Variants in COG5 observed in about 807,000 individuals in gnomAD.
COG5 encodes the protein component of oligomeric golgi complex 5, also known as conserved oligomeric Golgi complex subunit 5.
A neutral mutation model predicts 110.4 loss-of-function variants in COG5; 86 were observed. That is an observed-to-expected ratio of 0.78 (90% CI 0.65 to 0.93). The LOEUF is 0.93. COG5 is among the 40% of genes least tolerant of loss of function. The pLI is 0.00. For synonymous variants in COG5, 360 were observed against 334.6 expected (o/e 1.08, Z -0.83); for missense variants, 1,077 against 987.0 (o/e 1.09, Z -1.22).
At chr7:107,548,355 T>G in intron 3 of COG5, 23 bp from the exon 4 acceptor site, 1 of 1,611,352 alleles carries the variant, frequency 6.2e-7, no homozygotes, top group African/African-American at 1.3e-5. Context: ...AAGTTTACAT[T>G]GGCTTTACAA....
intron 3 of COG5, among the ~76,000 whole-genome samples, chr7:107,550,058 C>A (rs146144471): frequency 6.6e-6 from 1 of 152,080 alleles, no homozygotes; most frequent in African/African-American, 2.4e-5. Context: ...ATACCCAAGA[C>A]AGTTTATGCC....
chr7:107,378,523 T>C (rs1814825036), intron 7 of COG5, among the ~76,000 whole-genome samples: 1 of 151,776 alleles, frequency 6.6e-6, no homozygotes, highest in Non-Finnish European at 1.5e-5. Flanking sequence ...CTAAGAACCT[T>C]GAAAAAAGGT....
At chr7:107,384,961 G>A (rs1360306737) in intron 7 of COG5, among the ~76,000 whole-genome samples, 1 of 152,188 alleles carries the variant, frequency 6.6e-6, no homozygotes, top group African/African-American at 2.4e-5. Flanking sequence ...ATAGTGAGTT[G>A]AACAATGTCC....
intron 10 of COG5, among the ~76,000 whole-genome samples, chr7:107,326,754 G>T (rs1357818442): frequency 6.6e-6 from 1 of 152,092 alleles, no homozygotes; most frequent in East Asian, 1.9e-4. Context: ...AATCTCAATG[G>T]CATTTTTGCA....
intron 11 of COG5, among the ~76,000 whole-genome samples, chr7:107,304,012 C>A (rs1274815850): frequency 1.3e-5 from 2 of 152,122 alleles, no homozygotes; most frequent in Non-Finnish European, 1.5e-5. Flanking sequence ...CATTAAACAA[C>A]CTAATTACTA....
chr7:107,363,511 G>A (rs1009057970), intron 8 of COG5, among the ~76,000 whole-genome samples: 7 of 151,964 alleles, frequency 4.6e-5, no homozygotes, highest in Non-Finnish European at 1.0e-4. Context: ...AAACTCAAAT[G>A]TTTAAAAAGG....
chr7:107,512,472 C>T (rs1339972224), intron 6 of COG5, among the ~76,000 whole-genome samples: 1 of 152,014 alleles, frequency 6.6e-6, no homozygotes, highest in East Asian at 1.9e-4. Context: ...CCATACTGCC[C>T]AAGGTAATTT....
At chr7:107,447,487 T>C (rs1795077075) in intron 6 of COG5, among the ~76,000 whole-genome samples, 1 of 152,202 alleles carries the variant, frequency 6.6e-6, no homozygotes, top group Admixed American at 6.5e-5. Context: ...CACACGATAA[T>C]ATACATACGA....
chr7:107,546,528 C>T (rs1802470793), intron 5 of COG5, among the ~76,000 whole-genome samples: 1 of 148,686 alleles, frequency 6.7e-6, no homozygotes, highest in Non-Finnish European at 1.5e-5. Flanking sequence ...TTCCACCTCC[C>T]AGGCTCAAGC....
At chr7:107,435,380 C>T (rs949974195) in intron 6 of COG5, among the ~76,000 whole-genome samples, 2 of 152,040 alleles carry the variant, frequency 1.3e-5, no homozygotes, top group African/African-American at 2.4e-5. Context: ...TGGCCAGGCG[C>T]GGTGGCTCAC....
At chr7:107,509,430 C>A (rs1317903226) in intron 6 of COG5, among the ~76,000 whole-genome samples, 1 of 152,132 alleles carries the variant, frequency 6.6e-6, no homozygotes. Flanking sequence ...GATTGGTGTA[C>A]CTGAAAGTGA....
At chr7:107,479,738 T>TA (rs1324965605) in intron 6 of COG5, among the ~76,000 whole-genome samples, 7 of 152,144 alleles carry the variant, frequency 4.6e-5, no homozygotes, top group African/African-American at 9.6e-5. Context: ...CTCAATGAAG[T>TA]AAAATAACAT....
intron 7 of COG5, among the ~76,000 whole-genome samples, chr7:107,403,550 C>A (rs1791594137): frequency 6.6e-6 from 1 of 151,890 alleles, no homozygotes. Context: ...GCCCCCTAAC[C>A]CCAACAGGCC....
chr7:107,561,902 G>A (rs1321156999), intron 1 of COG5, among the ~76,000 whole-genome samples: 1 of 152,200 alleles, frequency 6.6e-6, no homozygotes, highest in African/African-American at 2.4e-5. Context: ...CGTGAACCCC[G>A]GAGGCAGAGC....
rs544823485 is a variant in COG5, at chr7:107,219,793, A to G, written c.2169-8568T>C. Among the ~76,000 whole-genome samples, 17 of 152,332 alleles carry G rather than the reference A, an allele frequency of 1.1e-4. No individual in the cohort carries two copies. The South Asian group carries it at 3.5e-3, about 32-fold the overall frequency. On this transcript the variant is annotated intron_variant, in intron 19 of 21. Coordinates refer to ENST00000297135, the MANE Select transcript of COG5 (RefSeq NM_006348.5). ...TGACGACTATAGTTGGTAGGAATGCATAGTACATTTCAAAATTGCTAATAG... is the reference window on the plus strand; with the variant it reads ...TGACGACTATAGTTGGTAGGAATGCGTAGTACATTTCAAAATTGCTAATAG...
At chr7:107,530,622 A>AC (rs1406486154) in intron 5 of COG5, among the ~76,000 whole-genome samples, 1 of 151,232 alleles carries the variant, frequency 6.6e-6, no homozygotes, top group Non-Finnish European at 1.5e-5. Context: ...AAAAAAAAAA[A>AC]AAAACACAGT....
chr7:107,315,878 T>G (rs189048505), intron 11 of COG5, among the ~76,000 whole-genome samples: 8 of 152,332 alleles, frequency 5.3e-5, no homozygotes, highest in African/African-American at 1.9e-4. Flanking sequence ...TAGCAGGCTA[T>G]TCCTAAGGTG....
chr7:107,269,089 T>C (rs967424164), intron 14 of COG5, among the ~76,000 whole-genome samples: 4 of 152,250 alleles, frequency 2.6e-5, no homozygotes, highest in Non-Finnish European at 4.4e-5. Context: ...ACTCAACTGA[T>C]AGTTTCCTTT....
chr7:107,515,105 A>G (rs1799822491), intron 6 of COG5, among the ~76,000 whole-genome samples: 2 of 152,184 alleles, frequency 1.3e-5, no homozygotes, highest in South Asian at 2.1e-4. Context: ...CGAATTATAA[A>G]TCATGATTTT....
Sources: gnomAD v4.1 joint callset for allele counts (sites outside exome capture counted in the v4.1 genomes callset) on GRCh38, gnomAD v4.1.1 for gene constraint, MANE v1.5 for transcripts, NCBI Gene and HGNC (gene_info 2026-07-23, HGNC 2026-07-21) for gene names.